FBXL17: variants seen among roughly 807,000 people sequenced by gnomAD.
FBXL17 encodes F-box and leucine rich repeat protein 17.
In FBXL17, 22 loss-of-function variants were observed where a neutral mutation model predicts 66.2. The observed-to-expected ratio is 0.33, with a 90% confidence interval of 0.24 to 0.47. FBXL17 has a LOEUF of 0.47. Among genes scored for constraint, FBXL17 ranks in the 20% least tolerant of loss-of-function variants. The pLI is 1.00. For synonymous variants in FBXL17, 474 were observed against 400.5 expected, an observed-to-expected ratio of 1.18 and a Z score of -2.19; for missense variants, 878 against 948.2, an observed-to-expected ratio of 0.93 and a Z score of 0.97.
intron 6 of FBXL17, among the ~76,000 whole-genome samples, chr5:108,185,175 T>TAC (rs1250372996): frequency 6.6e-6 from 1 of 152,214 alleles, no homozygotes; most frequent in Non-Finnish European, 1.5e-5. Context: ...TGAAACAAAT[T>TAC]ACATATATAT....
chr5:108,058,874 A>G (rs541066864), intron 6 of FBXL17, among the ~76,000 whole-genome samples: 2 of 152,260 alleles, frequency 1.3e-5, no homozygotes, highest in Admixed American at 1.3e-4. Context: ...CAAGAGGAAC[A>G]CTCAGTATAT....
intron 5 of FBXL17, among the ~76,000 whole-genome samples, chr5:108,210,999 T>C (rs1342588398): frequency 6.6e-6 from 1 of 152,200 alleles, no homozygotes; most frequent in Non-Finnish European, 1.5e-5. Flanking sequence ...TGCTCCTGTA[T>C]TGGGTGCATA....
intron 6 of FBXL17, among the ~76,000 whole-genome samples, chr5:108,169,603 G>A (rs549858325): frequency 6.8e-4 from 104 of 152,164 alleles, no homozygotes; most frequent in African/African-American, 2.4e-3. Flanking sequence ...TTGTCAGTTA[G>A]GCTAAAACTG....
chr5:108,096,056 A>G (rs916976939), intron 6 of FBXL17, among the ~76,000 whole-genome samples: 1 of 152,216 alleles, frequency 6.6e-6, no homozygotes, highest in African/African-American at 2.4e-5. Context: ...TATAGATTCA[A>G]TGTTTTAAAA....
chr5:108,354,844 C>T (rs1747872142), intron 3 of FBXL17, among the ~76,000 whole-genome samples: 2 of 151,270 alleles, frequency 1.3e-5, no homozygotes, highest in African/African-American at 4.9e-5. Context: ...AGAAACCACG[C>T]AATCAAGAAG....
At chr5:108,120,646 C>T (rs540740504) in intron 6 of FBXL17, among the ~76,000 whole-genome samples, 1 of 152,052 alleles carries the variant, frequency 6.6e-6, no homozygotes, top group Non-Finnish European at 1.5e-5. Flanking sequence ...GCCTGGTCAA[C>T]ACAGCAAGAC....
chr5:107,969,220 T>C (rs561735389), intron 7 of FBXL17, among the ~76,000 whole-genome samples: 5 of 152,282 alleles, frequency 3.3e-5, no homozygotes, highest in South Asian at 4.1e-4. Flanking sequence ...GTCTAGGTCA[T>C]TGAAAGCATG....
chr5:108,186,266 T>A lies in FBXL17; in HGVS notation c.1615-19A>T, dbSNP rs1284948696. ...TTCTTAGCTAATGAGATAAATAAAATGAAAGATGAAAAAGGTAAATGCTAC... is the reference window on the plus strand; with the variant it reads ...TTCTTAGCTAATGAGATAAATAAAAAGAAAGATGAAAAAGGTAAATGCTAC... On this transcript the variant is annotated intron_variant, in intron 5 of 8. Coordinates refer to ENST00000542267, the MANE Select transcript of FBXL17 (RefSeq NM_001163315.3). The A allele has an allele frequency of 6.2e-7, 1 of 1,602,288 alleles. No homozygotes were observed.
chr5:107,996,705 C>A (rs1372914286), intron 7 of FBXL17, among the ~76,000 whole-genome samples: 1 of 152,130 alleles, frequency 6.6e-6, no homozygotes, highest in East Asian at 1.9e-4. Context: ...ATCATTAATT[C>A]TTTACCACAG....
chr5:108,122,244 C>T (rs1750532073), intron 6 of FBXL17, among the ~76,000 whole-genome samples: 1 of 152,044 alleles, frequency 6.6e-6, no homozygotes, highest in Non-Finnish European at 1.5e-5. Flanking sequence ...ATGGGATAGT[C>T]TCCATTTTAA....
At chr5:108,003,916 T>A (rs536236531) in intron 7 of FBXL17, among the ~76,000 whole-genome samples, 1 of 152,108 alleles carries the variant, frequency 6.6e-6, no homozygotes, top group South Asian at 2.1e-4. Context: ...TTTGAGAAAA[T>A]AAGGTTTGAA....
intron 7 of FBXL17, among the ~76,000 whole-genome samples, chr5:107,887,393 C>G (rs951749572): frequency 2.6e-5 from 4 of 152,154 alleles, no homozygotes; most frequent in African/African-American, 9.7e-5. Context: ...AGCGCATTAA[C>G]AAGCGACCTG....
intron 4 of FBXL17, among the ~76,000 whole-genome samples, chr5:108,285,046 G>C (rs1183141589): frequency 6.6e-6 from 1 of 151,824 alleles, no homozygotes; most frequent in Admixed American, 6.6e-5. Flanking sequence ...TAAATCCTTT[G>C]TTGTCATTTC....
intron 4 of FBXL17, among the ~76,000 whole-genome samples, chr5:108,225,999 C>T (rs1027640673): frequency 8.6e-5 from 13 of 152,038 alleles, no homozygotes; most frequent in African/African-American, 2.9e-4. Context: ...TTCTCTTTTC[C>T]GTCTTACTTC....
chr5:108,193,102 C>T (rs1324356486), intron 5 of FBXL17, among the ~76,000 whole-genome samples: 3 of 152,180 alleles, frequency 2.0e-5, no homozygotes, highest in Non-Finnish European at 4.4e-5. Flanking sequence ...GCCAGTACTG[C>T]ACATATTGAC....
At chr5:108,165,870 A>G (rs1377495540) in intron 6 of FBXL17, among the ~76,000 whole-genome samples, 1 of 152,216 alleles carries the variant, frequency 6.6e-6, no homozygotes, top group Non-Finnish European at 1.5e-5. Context: ...TTTGTACAAG[A>G]TATGAAATAC....
chr5:107,874,046 G>A (rs1748539062), intron 8 of FBXL17, among the ~76,000 whole-genome samples: 1 of 152,166 alleles, frequency 6.6e-6, no homozygotes, highest in East Asian at 1.9e-4. Context: ...ACAAATCTCA[G>A]CCTGGACATT....
chr5:108,112,979 T>C (rs764825904), intron 6 of FBXL17, among the ~76,000 whole-genome samples: 9 of 152,210 alleles, frequency 5.9e-5, no homozygotes, highest in Admixed American at 3.3e-4. Context: ...TTAATTAATC[T>C]TTCTAATATT....
chr5:108,202,086 C>A (rs1480371158), intron 5 of FBXL17, among the ~76,000 whole-genome samples: 1 of 152,056 alleles, frequency 6.6e-6, no homozygotes, highest in Non-Finnish European at 1.5e-5. Flanking sequence ...CCAAGAAAGG[C>A]TCTTTCAAAA....
Sources: gnomAD v4.1 joint callset for allele counts (sites outside exome capture counted in the v4.1 genomes callset) on GRCh38, gnomAD v4.1.1 for gene constraint, MANE v1.5 for transcripts, NCBI Gene and HGNC (gene_info 2026-07-23, HGNC 2026-07-21) for gene names.